The following ZNF329 variants were observed in gnomAD, a reference collection of about 807,000 sequenced individuals.
ZNF329 encodes the protein zinc finger protein 329.
Under a neutral mutation model 26.6 loss-of-function variants are expected in ZNF329, and 15 were observed. The observed-to-expected ratio is 0.56, with a 90% confidence interval of 0.38 to 0.87. ZNF329 has a LOEUF of 0.87. Ranked by LOEUF, ZNF329 falls within the 40% of genes least tolerant of loss-of-function variation. The pLI is 0.00. For synonymous variants in ZNF329, 239 were observed against 233.5 expected, an observed-to-expected ratio of 1.02 and a Z score of -0.21; for missense variants, 651 against 651.9, an observed-to-expected ratio of 1.00 and a Z score of 0.02.
At chr19:58,146,534 C>CA (rs2075312567) in intron 1 of ZNF329, among the ~76,000 whole-genome samples, 1 of 150,964 alleles carries the variant, frequency 6.6e-6, no homozygotes, top group Non-Finnish European at 1.5e-5. Flanking sequence ...TCCCTCTCCC[C>CA]CTCCCCCTCT....
At chr19:58,129,814 T>TC (rs1450298847) in intron 3 of ZNF329, among the ~76,000 whole-genome samples, 1 of 152,008 alleles carries the variant, frequency 6.6e-6, no homozygotes, top group East Asian at 1.9e-4. Flanking sequence ...GCATCCCTGC[T>TC]CCCCCTAGAA....
intron 3 of ZNF329, among the ~76,000 whole-genome samples, chr19:58,141,410 T>C (rs2075184822): frequency 6.6e-6 from 1 of 152,080 alleles, no homozygotes; most frequent in African/African-American, 2.4e-5. Flanking sequence ...GTGATTCTCC[T>C]GACTCAGTCT....
chr19:58,141,379 A>C (rs1305909906), intron 3 of ZNF329, among the ~76,000 whole-genome samples: 1 of 151,240 alleles, frequency 6.6e-6, no homozygotes, highest in Non-Finnish European at 1.5e-5. Flanking sequence ...GCTCACTGCA[A>C]CCTCCTCCTC....
Position 58,127,880 on chromosome 19 carries a change from A to G in ZNF329, c.1624T>C (p.Ter542GlnextTer6), listed in dbSNP as rs1304546432. Residue 542 changes from the stop codon to glutamine, a stop_lost, in exon 4 of 4, where the codon TAA becomes CAA. Coordinates refer to ENST00000598312, the MANE Select transcript of ZNF329 (RefSeq NM_024620.4). ...AHLGEQPMET[*>Q] Reference sequence around the variant, plus strand: ...AAGACTCATGTGGCCCCCAACCATTATGTTTCCATGGGTTGCTCTCCCAGG... The same window carrying G: ...AAGACTCATGTGGCCCCCAACCATTGTGTTTCCATGGGTTGCTCTCCCAGG... 1 of 1,577,994 alleles carries G rather than the reference A, an allele frequency of 6.3e-7. No homozygotes were observed. The highest frequency in any genetic ancestry group is 1.8e-5 in the Admixed American group (1 of 55,724).
At chr19:58,136,515 G>GA (rs1038858928) in intron 3 of ZNF329, among the ~76,000 whole-genome samples, 15 of 150,614 alleles carry the variant, frequency 1.0e-4, no homozygotes, top group African/African-American at 3.7e-4. Flanking sequence ...CTCTATGAAA[G>GA]AAAAAAAAAG....
chr19:58,139,321 C>CA (rs1415860524), intron 3 of ZNF329, among the ~76,000 whole-genome samples: 2 of 151,976 alleles, frequency 1.3e-5, no homozygotes, highest in Admixed American at 1.3e-4. Context: ...AATAAAAAGA[C>CA]AAAAACCCAA....
chr19:58,147,148 C>T (rs1339794477), intron 1 of ZNF329, among the ~76,000 whole-genome samples: 7 of 150,314 alleles, frequency 4.7e-5, no homozygotes, highest in East Asian at 2.0e-4. Context: ...ATGTGGGGAG[C>T]GCCTCTGCCC....
In ZNF329 at chr19:58,127,726, T is replaced by TA. The variant is rs1243899723; in HGVS notation, c.*151dup. The TA allele has an allele frequency of 1.3e-6, 1 of 787,652 alleles. No individual in the cohort carries two copies. Among genetic ancestry groups the TA allele is most frequent in the Non-Finnish European group, 2.0e-6 (1 of 504,772 alleles). 48.8% of individuals were successfully genotyped at this position (787,652 alleles called of 1,614,324 possible). A position where few individuals can be genotyped will look rare whatever the true frequency, so the allele number is the denominator to read the frequency against. On this transcript the variant is annotated 3_prime_UTR_variant, in exon 4 of 4. Coordinates refer to ENST00000598312, the MANE Select transcript of ZNF329 (RefSeq NM_024620.4). Reference sequence around the variant, plus strand: ...TCTGGAGTTCCCCAATGAGCAGACTTAACAGTGTGGCTCAGCAATGTCTCA... The same window carrying TA: ...TCTGGAGTTCCCCAATGAGCAGACTTAAACAGTGTGGCTCAGCAATGTCTCA...
At chr19:58,138,781 G>C (rs1214473157) in intron 3 of ZNF329, among the ~76,000 whole-genome samples, 2 of 151,996 alleles carry the variant, frequency 1.3e-5, no homozygotes, top group Admixed American at 6.6e-5. Flanking sequence ...CTGATCACAT[G>C]AGGCCAGGAG....
Position 58,147,451 on chromosome 19 carries a change from C to T in ZNF329, c.-208+3301G>A, listed in dbSNP as rs1417015122. On this transcript the variant is annotated intron_variant, in intron 1 of 3. Coordinates refer to ENST00000598312, the MANE Select transcript of ZNF329 (RefSeq NM_024620.4). ...CCAGCCCCCCGCCCGGCCAGCCGCC[C>T]CGTCCGGGAGGTGAGGGGCGCCTCT... 5.1e-4 allele frequency among the ~76,000 whole-genome samples: 75 copies of T among 147,902 alleles called. 3 individuals carry two copies. The highest frequency in any genetic ancestry group is 1.9e-3 in the African/African-American group (73 of 38,636).
chr19:58,130,195 T>G (rs1319994140), intron 3 of ZNF329, among the ~76,000 whole-genome samples: 1 of 150,880 alleles, frequency 6.6e-6, no homozygotes, highest in Non-Finnish European at 1.5e-5. Context: ...TGGTGGCACA[T>G]GCCTGTAGTC....
intron 1 of ZNF329, among the ~76,000 whole-genome samples, chr19:58,144,349 T>A (rs2075252887): frequency 9.7e-6 from 1 of 102,838 alleles, no homozygotes; most frequent in East Asian, 2.5e-4. Context: ...TAATTTTACA[T>A]CTATATCTAT....
At chr19:58,142,352 T>C (rs2075207758) in intron 3 of ZNF329, among the ~76,000 whole-genome samples, 2 of 152,188 alleles carry the variant, frequency 1.3e-5, no homozygotes. Flanking sequence ...AATTGTACAC[T>C]TAAAAGGGTA....
intron 1 of ZNF329, among the ~76,000 whole-genome samples, chr19:58,146,805 G>T (rs954413666): frequency 6.6e-6 from 1 of 151,834 alleles, no homozygotes; most frequent in Non-Finnish European, 1.5e-5. Flanking sequence ...CGCCAGCCTC[G>T]GCCTCCCGAG....
intron 3 of ZNF329, among the ~76,000 whole-genome samples, chr19:58,131,550 A>AAAGCAC (rs1363030111): frequency 6.6e-6 from 1 of 152,268 alleles, no homozygotes; most frequent in African/African-American, 2.4e-5. Flanking sequence ...ATAGGACTTA[A>AAAGCAC]AAGCACAAAG....
chr19:58,134,759 A>T (rs2075026531), intron 3 of ZNF329, among the ~76,000 whole-genome samples: 1 of 152,142 alleles, frequency 6.6e-6, no homozygotes, highest in African/African-American at 2.4e-5. Flanking sequence ...AACATGGTAA[A>T]ACCATGTCTC....
At chr19:58,154,360 G>A (rs1600111440), upstream of ZNF329, among the ~76,000 whole-genome samples, 1 of 152,206 alleles carries the variant, frequency 6.6e-6, no homozygotes, top group East Asian at 1.9e-4. Flanking sequence ...TCCCTTTCAG[G>A]CCTTCACTGA....
chr19:58,130,833 G>A (rs1429276092), intron 3 of ZNF329, among the ~76,000 whole-genome samples: 1 of 152,156 alleles, frequency 6.6e-6, no homozygotes, highest in Non-Finnish European at 1.5e-5. Flanking sequence ...ACAACTGGTT[G>A]TCCATTCATT....
intron 3 of ZNF329, among the ~76,000 whole-genome samples, chr19:58,139,692 G>A (rs1432598864): frequency 1.3e-5 from 2 of 152,138 alleles, no homozygotes; most frequent in African/African-American, 4.8e-5. Flanking sequence ...CAAATTTTGA[G>A]GGGACACTAC....
Sources: allele counts gnomAD v4.1 joint callset (sites outside exome capture counted in the v4.1 genomes callset), GRCh38; gene constraint gnomAD v4.1.1; transcripts MANE v1.5; gene names NCBI Gene and HGNC (gene_info 2026-07-23, HGNC 2026-07-21).